Variants in PIEZO2 observed in about 807,000 individuals in gnomAD.
The protein encoded by PIEZO2 is piezo-type mechanosensitive ion channel component 2.
A neutral mutation model predicts 337.3 loss-of-function variants in PIEZO2; 172 were observed. That is an observed-to-expected ratio of 0.51 (90% CI 0.45 to 0.58). The LOEUF (loss-of-function observed/expected upper bound fraction) is 0.58. PIEZO2 is among the 20% of genes least tolerant of loss of function. PIEZO2 has a pLI of 0.00. For missense variants in PIEZO2, 3,028 were observed against 3,391.3 expected, an observed-to-expected ratio of 0.89 and a Z score of 2.66; for synonymous variants, 1,251 against 1,228.5, an observed-to-expected ratio of 1.02 and a Z score of -0.38.
At chr18:10,928,900 T>C (rs1411923566) in intron 3 of PIEZO2, among the ~76,000 whole-genome samples, 1 of 152,226 alleles carries the variant, frequency 6.6e-6, no homozygotes, top group Non-Finnish European at 1.5e-5. Context: ...CTACTCACGG[T>C]GTCCAAAGTC....
chr18:10,840,470 G>A (rs2041156514), intron 7 of PIEZO2, among the ~76,000 whole-genome samples: 1 of 152,078 alleles, frequency 6.6e-6, no homozygotes, highest in African/African-American at 2.4e-5. Flanking sequence ...AGCAATGGAA[G>A]GAAGGTGAAT....
At chr18:10,975,528 C>T (rs912051039) in intron 3 of PIEZO2, among the ~76,000 whole-genome samples, 3 of 151,868 alleles carry the variant, frequency 2.0e-5, no homozygotes, top group Admixed American at 6.6e-5. Context: ...CTCTGCACAA[C>T]GGCACCTTTA....
rs1214989061 is a variant in PIEZO2 at position 10,671,682 on chromosome 18, G to A, written c.8443C>T (p.Pro2815Ser). Residue 2815 changes from proline to serine, a missense_variant, in exon 56 of 56, where the codon CCA (proline) becomes TCA (serine). Pro to Ser is a moderately conservative substitution (Grantham distance 74). Coordinates refer to ENST00000674853, the MANE Select transcript of PIEZO2 (RefSeq NM_001378183.1). ...AACTTCAAAATTCGATCCACATTTG[G>A]AAGCTCTTCAAACATGATGGAGTGA... ...ISHSIMFEELPNVDRILKLCT... is the reference protein window; with the variant it reads ...ISHSIMFEELSNVDRILKLCT... The A allele has an allele frequency of 6.2e-7, 1 of 1,613,828 alleles. No homozygotes were observed. The highest frequency in any genetic ancestry group is 8.5e-7 in the Non-Finnish European group (1 of 1,179,988).
chr18:11,041,918 T>A (rs2037137037), intron 2 of PIEZO2, among the ~76,000 whole-genome samples: 1 of 152,180 alleles, frequency 6.6e-6, no homozygotes, highest in Admixed American at 6.5e-5. Context: ...AGAGTGACAG[T>A]GACTCTTCTC....
At chr18:11,139,458 C>A (rs4424961) in intron 1 of PIEZO2, among the ~76,000 whole-genome samples, 5 of 151,910 alleles carry the variant, frequency 3.3e-5, no homozygotes, top group South Asian at 2.1e-4. Context: ...TGATAAGCCC[C>A]TAATTGCCCA....
Position 10,979,795 on chromosome 18 carries a change from T to A in PIEZO2, c.161-135A>T. ...ATATGGAATGTAATAATTATCATCT[T>A]AATTATTAGTCTATAGCTAAATGGT... On this transcript the variant is annotated intron_variant, in intron 2 of 55. Coordinates refer to ENST00000674853, the MANE Select transcript of PIEZO2 (RefSeq NM_001378183.1). This position sits in a 1 kb window ranked among gnomAD's most constrained non-coding sequence, Gnocchi z 4.0. 1 of 751,944 alleles carries A rather than the reference T, an allele frequency of 1.3e-6. No homozygotes were observed. The highest frequency in any genetic ancestry group is 1.9e-6 in the Non-Finnish European group (1 of 527,090). The allele number at this position is 751,944 out of a possible 1,614,324, so 46.6% of individuals were successfully genotyped here.
chr18:11,072,522 C>A (rs530186241), intron 1 of PIEZO2, among the ~76,000 whole-genome samples: 1 of 152,298 alleles, frequency 6.6e-6, no homozygotes, highest in African/African-American at 2.4e-5. Flanking sequence ...AAAGAGCATG[C>A]ATAGTGCATG....
At chr18:10,916,732 G>C (rs957485041) in intron 3 of PIEZO2, among the ~76,000 whole-genome samples, 1 of 152,200 alleles carries the variant, frequency 6.6e-6, no homozygotes, top group Non-Finnish European at 1.5e-5. Context: ...CGCTCCCATA[G>C]TGCAGCAGCG....
At chr18:11,095,249 C>G (rs575980920) in intron 1 of PIEZO2, among the ~76,000 whole-genome samples, 28 of 152,332 alleles carry the variant, frequency 1.8e-4, no homozygotes, top group Non-Finnish European at 3.7e-4. Flanking sequence ...GACTTGAAGT[C>G]TAGACATTGG....
At chr18:10,768,343 T>C (rs980787112) in intron 21 of PIEZO2, among the ~76,000 whole-genome samples, 1 of 152,144 alleles carries the variant, frequency 6.6e-6, no homozygotes, top group Non-Finnish European at 1.5e-5. Context: ...AAAGGGACCA[T>C]GAGGGTCTGA....
chr18:10,722,222 G>T (rs2036343264), intron 36 of PIEZO2, among the ~76,000 whole-genome samples: 2 of 149,138 alleles, frequency 1.3e-5, no homozygotes, highest in Admixed American at 1.3e-4. Context: ...TCATATTTGG[G>T]AGGAGAGACT....
chr18:10,681,969 C>T lies in PIEZO2; in HGVS notation c.7686+135G>A, dbSNP rs548390300. ...CAGTGTCTTCTGCACCTTATTCATA[C>T]ATCAAGTATTTGCTGAGCAGTCAAA... On this transcript the variant is annotated intron_variant, in intron 50 of 55. Transcript: ENST00000674853. 41 of 935,426 alleles carry T rather than the reference C, an allele frequency of 4.4e-5. No homozygotes were observed. The African/African-American group carries it at 5.0e-4, about 11-fold the overall frequency. 57.9% of individuals were successfully genotyped at this position (935,426 alleles called of 1,614,324 possible).
intron 2 of PIEZO2, among the ~76,000 whole-genome samples, chr18:11,049,089 C>T (rs1267571404): frequency 6.6e-6 from 1 of 152,148 alleles, no homozygotes; most frequent in Non-Finnish European, 1.5e-5. Flanking sequence ...AAATCAGCTA[C>T]AGGTAAACAC....
chr18:10,702,953 G>A (rs2035406325), intron 42 of PIEZO2, among the ~76,000 whole-genome samples: 1 of 152,162 alleles, frequency 6.6e-6, no homozygotes, highest in Non-Finnish European at 1.5e-5. Flanking sequence ...ACTCCTGGGT[G>A]CAATCCTCCC....
chr18:10,797,402 CT>C lies in PIEZO2; in HGVS notation c.1498del (p.Ser500ValfsTer7). ...VSVFQFIMKQ[S>X]YICALIAMMA... ...CATAGCTATGAGGGCACAGATGTAA[CT>C]TTGTTTCATAATAAATTGGAATACG... On this transcript the variant is annotated frameshift_variant, in exon 12 of 56. Transcript: ENST00000674853. LOFTEE classifies it high-confidence loss of function. 6.5e-7 allele frequency: 1 copy of C among 1,537,042 alleles called. No individual in the cohort carries two copies.
chr18:11,057,853 A>G (rs2037787183), intron 2 of PIEZO2, among the ~76,000 whole-genome samples: 1 of 152,234 alleles, frequency 6.6e-6, no homozygotes, highest in East Asian at 1.9e-4. Context: ...ATTCTTTCAC[A>G]TTTTGTCATA....
chr18:10,893,657 C>A (rs2042815887), intron 4 of PIEZO2: 1 of 152,134 alleles, frequency 6.6e-6, no homozygotes, highest in Admixed American at 6.6e-5. Flanking sequence ...TCATGCTCAT[C>A]TCAATGTTGG....
chr18:10,745,788 A>C (rs1392041469), intron 30 of PIEZO2, among the ~76,000 whole-genome samples: 1 of 151,534 alleles, frequency 6.6e-6, no homozygotes, highest in Non-Finnish European at 1.5e-5. Context: ...TGATGATGGC[A>C]CTCCATCTCC....
At chr18:11,057,364 A>G (rs944714930) in intron 2 of PIEZO2, among the ~76,000 whole-genome samples, 1 of 152,180 alleles carries the variant, frequency 6.6e-6, no homozygotes, top group Non-Finnish European at 1.5e-5. Context: ...TACTGAGGTA[A>G]TTACACACAT....
Sources: gnomAD v4.1 joint callset for allele counts (sites outside exome capture counted in the v4.1 genomes callset) on GRCh38, gnomAD v4.1.1 for gene constraint, Gnocchi (gnomAD v3.1) non-coding constraint, MANE v1.5 for transcripts, NCBI Gene and HGNC (gene_info 2026-07-23, HGNC 2026-07-21) for gene names.